The following LPA variants were observed in gnomAD, a reference collection of about 807,000 sequenced individuals.
LPA encodes apolipoprotein(a).
LPA carries 199 observed loss-of-function variants against 197.9 expected under a neutral mutation model. The ratio of observed to expected loss-of-function variants is 1.01; its 90% confidence interval spans 0.90 to 1.13. LPA has a LOEUF of 1.13. Among genes scored for constraint, LPA ranks in the 50% most tolerant of loss-of-function variants. The pLI is 0.00. For missense variants in LPA, 1,853 were observed against 1,785.8 expected (o/e 1.04, Z -0.68); for synonymous variants, 715 against 639.5 (o/e 1.12, Z -1.78).
intron 26 of LPA, among the ~76,000 whole-genome samples, chr6:160,578,964 C>A (rs775907432): frequency 6.6e-6 from 1 of 152,182 alleles, no homozygotes; most frequent in Non-Finnish European, 1.5e-5. Flanking sequence ...TAATACATGT[C>A]TGTACAAGAA....
In LPA at chr6:160,542,760, C is replaced by G. The variant is rs1778002602; in HGVS notation, c.5447G>C (p.Cys1816Ser). The stretch of plus-strand genomic sequence containing the variant: ...ACACCCCCCTACAATGCTTCCAGGA[C>G]ATTTCTTCGGCTCCACTTGAGGCTT... ...CGKPQVEPKK[C>S]PGSIVGGCVA... Residue 1816 changes from cysteine (C) to serine (S), a missense_variant, in exon 34 of 39, where the codon TGT becomes TCT. Around this residue, in one of 3 missense-constraint regions of LPA, gnomAD observed 1,737 missense variants for 1,504.4 expected, o/e 1.15. Coordinates refer to ENST00000316300, the MANE Select transcript of LPA (RefSeq NM_005577.4). 1 of 1,614,096 alleles carries G rather than the reference C, an allele frequency of 6.2e-7. No individual in the cohort carries two copies.
intron 22 of LPA, among the ~76,000 whole-genome samples, chr6:160,593,115 G>A (rs41272056): frequency 0.02 from 3,098 of 152,146 alleles, 42 homozygotes; most frequent in Non-Finnish European, 0.027. Context: ...CCTAGAATAC[G>A]TCAGATGCCT....
intron 26 of LPA, among the ~76,000 whole-genome samples, chr6:160,584,240 C>CTTCTTCT (rs1562331296): frequency 6.1e-3 from 373 of 60,788 alleles, no homozygotes; most frequent in Non-Finnish European, 6.9e-3. Context: ...CTTCTTCTTC[C>CTTCTTCT]TCCTCCTCCT....
At position 160,594,071 on chromosome 6, in the gene LPA, A is replaced by G. The variant is rs746447103; in HGVS notation, c.3516T>C (p.Asp1172=). ...AGAATGAGCCTCGATAACTCTGTCC[A>G]TCACCATGGTAGCAATCCTGGACCC... The part of the protein sequence containing the change: ...SPGVQDCYHG[D]GQSYRGSFST... Residue 1172 remains aspartate (D), a synonymous_variant, in exon 22 of 39, where the codon GAT becomes GAC. Coordinates refer to ENST00000316300, the MANE Select transcript of LPA (RefSeq NM_005577.4). The G allele has an allele frequency of 2.5e-6, 4 of 1,613,986 alleles. No homozygotes were observed. Among genetic ancestry groups the G allele is most frequent in the South Asian group, 1.1e-5 (1 of 91,086 alleles).
chr6:160,540,608 C>T (rs530818392), intron 35 of LPA, among the ~76,000 whole-genome samples: 26 of 152,314 alleles, frequency 1.7e-4, no homozygotes, highest in African/African-American at 6.0e-4. Flanking sequence ...GTCTCTTGCT[C>T]CTGCTCTGGC....
chr6:160,595,370 C>T lies in LPA; in HGVS notation c.3453G>A (p.Glu1151=), dbSNP rs994515622. ...TLTVVPDPST[E]ASSEEAPTEQ... ...ACTTCCTACCTTCTTCAGAAGAAGC[C>T]TCTGTGCTTGGATCTGGGACCACCG... Residue 1151 remains glutamate, a synonymous_variant, in exon 21 of 39, where the codon GAG becomes GAA. Coordinates refer to ENST00000316300, the MANE Select transcript of LPA (RefSeq NM_005577.4). 10 of 1,612,712 alleles carry T rather than the reference C, an allele frequency of 6.2e-6. No individual in the cohort carries two copies. The East Asian group carries it at 6.7e-5, about 11-fold the overall frequency.
At chr6:160,609,859 T>C (rs1432715149) in intron 16 of LPA, among the ~76,000 whole-genome samples, 1 of 152,018 alleles carries the variant, frequency 6.6e-6, no homozygotes, top group Admixed American at 6.6e-5. Flanking sequence ...GCTCATTCTG[T>C]AGGTTCTGCA....
At chr6:160,611,037 C>T (rs1025297055) in intron 16 of LPA, among the ~76,000 whole-genome samples, 1 of 152,128 alleles carries the variant, frequency 6.6e-6, no homozygotes, top group African/African-American at 2.4e-5. Context: ...TGGATCTTCT[C>T]TTGCTGGGAA....
intron 28 of LPA, among the ~76,000 whole-genome samples, chr6:160,576,364 A>ACATATATATATGTG (rs1554234338): frequency 4.7e-5 from 1 of 21,156 alleles, no homozygotes; most frequent in Admixed American, 7.6e-4. Flanking sequence ...ATATATATAT[A>ACATATATATATGTG]TACATATATA....
chr6:160,536,502 C>T (rs964405545), intron 37 of LPA, among the ~76,000 whole-genome samples: 3 of 152,298 alleles, frequency 2.0e-5, no homozygotes, highest in Admixed American at 6.5e-5. Context: ...AAACAATCAG[C>T]GAGAGCTCAC....
chr6:160,610,592 G>C (rs1779476910), intron 16 of LPA, among the ~76,000 whole-genome samples: 1 of 152,146 alleles, frequency 6.6e-6, no homozygotes, highest in Non-Finnish European at 1.5e-5. Context: ...CACATGCAGT[G>C]TCATGTGAGG....
intron 28 of LPA, among the ~76,000 whole-genome samples, chr6:160,569,188 A>G (rs1778517567): frequency 6.6e-6 from 1 of 152,226 alleles, no homozygotes; most frequent in African/African-American, 2.4e-5. Context: ...ATCCTAAGCC[A>G]AAAAAGCAAA....
intron 2 of LPA, 101 bp downstream of exon 2, chr6:160,650,237 G>A: frequency 1.7e-6 from 2 of 1,176,660 alleles, no homozygotes; most frequent in Non-Finnish European, 2.5e-6. Flanking sequence ...CATTCTATGT[G>A]TGAGAAAAAT....
chr6:160,582,378 T>C (rs73784295), intron 26 of LPA, among the ~76,000 whole-genome samples: 1,679 of 152,170 alleles, frequency 0.011, 36 homozygotes, highest in African/African-American at 0.038. Context: ...TTTTTCTTTC[T>C]TACACTCTAA....
At chr6:160,656,735 A>C (rs1780139333) in intron 1 of LPA, among the ~76,000 whole-genome samples, 1 of 152,212 alleles carries the variant, frequency 6.6e-6, no homozygotes, top group East Asian at 1.9e-4. Flanking sequence ...AAGGGGATCC[A>C]GCCTCCCCTT....
intron 25 of LPA, 108 bp from the exon 26 acceptor site, chr6:160,585,313 T>C: frequency 2.0e-6 from 2 of 1,022,868 alleles, no homozygotes; most frequent in Non-Finnish European, 3.1e-6. Flanking sequence ...ATTTACACTC[T>C]TCTATATTAG....
intron 26 of LPA, among the ~76,000 whole-genome samples, chr6:160,582,522 G>T (rs552217035): frequency 6.6e-6 from 1 of 151,922 alleles, no homozygotes; most frequent in East Asian, 1.9e-4. Flanking sequence ...TTTCTGATTT[G>T]TGTTGTTTCT....
intron 18 of LPA, among the ~76,000 whole-genome samples, chr6:160,603,300 G>C (rs547465052): frequency 6.6e-6 from 1 of 151,862 alleles, no homozygotes; most frequent in East Asian, 1.9e-4. Context: ...GAGTATGTGT[G>C]TATATGTGTG....
intron 38 of LPA, 28 bp downstream of exon 38, chr6:160,532,503 A>C (rs758361188): frequency 1.3e-6 from 2 of 1,521,234 alleles, no homozygotes; most frequent in South Asian, 1.1e-5. Flanking sequence ...GGAGAGCACA[A>C]GACTTTGATC....
Sources: gnomAD v4.1 joint callset for allele counts (sites outside exome capture counted in the v4.1 genomes callset) on GRCh38, gnomAD v4.1.1 for gene constraint, gnomAD v4.1.1 regional missense constraint, MANE v1.5 for transcripts, NCBI Gene and HGNC (gene_info 2026-07-23, HGNC 2026-07-21) for gene names.